The following VDAC2 variants were observed in gnomAD, a reference collection of about 807,000 sequenced individuals.
VDAC2 encodes the protein non-selective voltage-gated ion channel VDAC2.
A neutral mutation model predicts 36.6 loss-of-function variants in VDAC2; 6 were observed. The ratio of observed to expected loss-of-function variants is 0.16; its 90% CI spans 0.09 to 0.32. VDAC2 has a LOEUF of 0.32. Among genes scored for constraint, VDAC2 ranks in the 10% least tolerant of loss-of-function variants. The probability of loss-of-function intolerance (pLI) is 1.00; values close to 1 mark genes in which losing one functional copy is unlikely to be tolerated. For missense variants in VDAC2, 247 were observed against 346.0 expected, an observed-to-expected ratio of 0.71 and a Z score of 2.27; for synonymous variants, 109 against 123.8, an observed-to-expected ratio of 0.88 and a Z score of 0.79.
chr10:75,214,093 T>C, intron 4 of VDAC2, 23 bp downstream of exon 4: 1 of 1,609,946 alleles, frequency 6.2e-7, no homozygotes, highest in South Asian at 1.1e-5. Context: ...GTTGAATAAG[T>C]TCTATTGAAC....
chr10:75,226,172 A>G (rs1202584661), intron 8 of VDAC2, among the ~76,000 whole-genome samples: 1 of 152,132 alleles, frequency 6.6e-6, no homozygotes, highest in South Asian at 2.1e-4. Flanking sequence ...ACTCTTGTAG[A>G]TATGTCTGTT....
chr10:75,218,088 C>CAA (rs879352648), intron 4 of VDAC2: 3,065 of 259,484 alleles, frequency 0.012, no homozygotes, highest in East Asian at 0.028. Context: ...GATGCTGTCT[C>CAA]AAAAAAAAAA....
At position 75,219,221 on chromosome 10, in the gene VDAC2, A is replaced by G. The variant is rs1816977207; in HGVS notation, c.303+6A>G. The G allele has an allele frequency of 6.3e-6, 10 of 1,584,466 alleles. 1 individual carries two copies. The highest frequency in any genetic ancestry group is 3.6e-5 in the South Asian group (3 of 83,404). ...AAATCGCAATTGAAGACCAGGTAACATTTTGAAAATTTTAGTATTAATTTT... is the reference window on the plus strand; with the variant it reads ...AAATCGCAATTGAAGACCAGGTAACGTTTTGAAAATTTTAGTATTAATTTT... On this transcript the variant is annotated splice_donor_region_variant and intron_variant, in intron 5 of 9. Coordinates refer to ENST00000332211, the MANE Select transcript of VDAC2 (RefSeq NM_001391963.1).
chr10:75,214,004 C>G lies in VDAC2; in HGVS notation c.101-17C>G. ...CAAAGGAATCATTTTGTTTCTTTTG[C>G]TGTCTATTTGTTGAAGGTTTTGGGT... On this transcript the variant is annotated splice_polypyrimidine_tract_variant and intron_variant, in intron 3 of 9. Transcript: ENST00000332211. 1 of 1,611,694 alleles carries G rather than the reference C, an allele frequency of 6.2e-7. No homozygotes were observed. The highest frequency in any genetic ancestry group is 1.3e-5 in the African/African-American group (1 of 74,974).
At chr10:75,218,064 G>T in intron 4 of VDAC2, 1 of 550,830 alleles carries the variant, frequency 1.8e-6, no homozygotes, top group East Asian at 8.1e-5. Context: ...TTCCAGCTTG[G>T]GTGACAGAGG....
intron 9 of VDAC2, among the ~76,000 whole-genome samples, chr10:75,230,212 G>C (rs1453713939): frequency 6.6e-6 from 1 of 152,188 alleles, no homozygotes; most frequent in East Asian, 1.9e-4. Flanking sequence ...TCCCCCTTCA[G>C]ATAGGGATTT....
At chr10:75,214,321 G>A (rs1246748231) in intron 4 of VDAC2, among the ~76,000 whole-genome samples, 1 of 152,150 alleles carries the variant, frequency 6.6e-6, no homozygotes, top group Non-Finnish European at 1.5e-5. Flanking sequence ...CTCTTTACTC[G>A]TAAGATTACA....
rs544778361 is a variant in VDAC2 at position 75,215,908 on chromosome 10, A to C, written c.150+1838A>C. Among the ~76,000 whole-genome samples, 49 of 150,846 alleles carry C rather than the reference A, an allele frequency of 3.2e-4. No homozygotes were observed. The Middle Eastern group carries it at 0.01, about 32-fold the overall frequency. ...CGCTAATTTTTGTATTTTTAGTAGA[A>C]ACAGGGTTTTGCCATGTTGGCCAGT... On this transcript the variant is annotated intron_variant, in intron 4 of 9. Transcript: ENST00000332211.
chr10:75,214,070 G>C lies in VDAC2; in HGVS notation c.150G>C (p.Val50=), dbSNP rs1410107493. 1 of 1,612,724 alleles carries C rather than the reference G, an allele frequency of 6.2e-7. No homozygotes were observed. Among genetic ancestry groups the C allele is most frequent in the Non-Finnish European group, 8.5e-7 (1 of 1,179,306 alleles). The change falls in exon 4 of 10, where the codon GTG becomes GTC. Residue 50 remains valine (V), a splice_region_variant and synonymous_variant. Transcript: ENST00000332211. ...LDVKTKSCSG[V]EFSTSGSSNT... ...TGAAAACAAAGTCTTGCAGTGGCGTGGTGAGTGTTACTGTTGAATAAGTTC... is the reference window on the plus strand; with the variant it reads ...TGAAAACAAAGTCTTGCAGTGGCGTCGTGAGTGTTACTGTTGAATAAGTTC...
At chr10:75,220,709 T>G (rs771851808) in intron 6 of VDAC2, 34 bp from the exon 7 acceptor site, 8 of 1,577,696 alleles carry the variant, frequency 5.1e-6, no homozygotes, top group Non-Finnish European at 6.1e-6. Context: ...GTGTGTAAAT[T>G]TTTCCCAATG....
intron 1 of VDAC2, 25 bp from the exon 2 acceptor site, chr10:75,211,109 A>G (rs763302167): frequency 2.5e-6 from 4 of 1,593,582 alleles, no homozygotes; most frequent in African/African-American, 2.7e-5. Flanking sequence ...ACCCCAGCTT[A>G]CCGCACTTCT....
At chr10:75,220,691 G>T (rs1233850622) in intron 6 of VDAC2, 52 bp from the exon 7 acceptor site, 1 of 1,496,060 alleles carries the variant, frequency 6.7e-7, no homozygotes, top group Middle Eastern at 1.7e-4. Flanking sequence ...GCTCTCTTGT[G>T]CAGAAGTGTG....
At chr10:75,226,371 T>C (rs1236763480) in intron 8 of VDAC2, among the ~76,000 whole-genome samples, 1 of 151,870 alleles carries the variant, frequency 6.6e-6, no homozygotes, top group African/African-American at 2.4e-5. Context: ...TAAGAGTGTA[T>C]TTTGTTGAGA....
At chr10:75,218,205 G>A in intron 4 of VDAC2, 1 of 292,922 alleles carries the variant, frequency 3.4e-6, no homozygotes, top group Non-Finnish European at 6.9e-6. Flanking sequence ...CACCCATGCT[G>A]AGTGCAGTGG....
intron 7 of VDAC2, among the ~76,000 whole-genome samples, chr10:75,221,470 C>T (rs1841811924): frequency 6.6e-6 from 1 of 152,040 alleles, no homozygotes; most frequent in Non-Finnish European, 1.5e-5. Context: ...GTAGCTGGGA[C>T]TACAGGCGTG....
intron 3 of VDAC2, among the ~76,000 whole-genome samples, chr10:75,212,941 C>T (rs1841474313): frequency 6.6e-6 from 1 of 152,084 alleles, no homozygotes; most frequent in Non-Finnish European, 1.5e-5. Flanking sequence ...AATACTTTAT[C>T]TAGAGTTATG....
intron 9 of VDAC2, among the ~76,000 whole-genome samples, chr10:75,230,357 ATTTAT>A (rs755415286): frequency 5.3e-5 from 8 of 152,210 alleles, no homozygotes; most frequent in Non-Finnish European, 1.0e-4. Context: ...CATTTACTAC[ATTTAT>A]TTTATGTCTG....
chr10:75,230,598 A>G (rs892339573), intron 9 of VDAC2, among the ~76,000 whole-genome samples: 2 of 152,218 alleles, frequency 1.3e-5, no homozygotes, highest in African/African-American at 4.8e-5. Flanking sequence ...AATTATGATT[A>G]TGTCTTTAGT....
intron 7 of VDAC2, among the ~76,000 whole-genome samples, chr10:75,222,021 A>G (rs1265264011): frequency 1.3e-5 from 2 of 152,222 alleles, no homozygotes; most frequent in Non-Finnish European, 2.9e-5. Flanking sequence ...TTGCATGTTT[A>G]ATACAGTGTG....
Sources: allele counts gnomAD v4.1 joint callset (sites outside exome capture counted in the v4.1 genomes callset), GRCh38; gene constraint gnomAD v4.1.1; transcripts MANE v1.5; gene names NCBI Gene and HGNC (gene_info 2026-07-23, HGNC 2026-07-21).